The following WDPCP variants were observed in gnomAD, a reference collection of about 807,000 sequenced individuals.
WDPCP encodes the protein WD repeat-containing and planar cell polarity effector protein fritz homolog.
A neutral mutation model predicts 93.1 loss-of-function variants in WDPCP; 71 were observed. That is an observed-to-expected ratio of 0.76 (90% confidence interval 0.63 to 0.93). WDPCP has a LOEUF of 0.93. Ranked by LOEUF, WDPCP falls within the 40% of genes least tolerant of loss-of-function variation. The pLI, the probability that WDPCP is intolerant of heterozygous loss-of-function variation, is 0.00. For synonymous variants in WDPCP, 315 were observed against 315.0 expected, an observed-to-expected ratio of 1.00 and a Z score of 0.00; for missense variants, 844 against 887.4, an observed-to-expected ratio of 0.95 and a Z score of 0.62.
At chr2:63,271,130 T>A (rs142371848) in intron 13 of WDPCP, among the ~76,000 whole-genome samples, 2 of 152,296 alleles carry the variant, frequency 1.3e-5, no homozygotes, top group Non-Finnish European at 2.9e-5. Flanking sequence ...TGATGTGTAC[T>A]GGGGAGGCTG....
chr2:63,625,623 G>C (rs1481513326), intron 3 of WDPCP, among the ~76,000 whole-genome samples: 1 of 152,076 alleles, frequency 6.6e-6, no homozygotes, highest in Non-Finnish European at 1.5e-5. Context: ...ACTTACAAGG[G>C]ATGTGAAGAG....
At chr2:63,787,877 T>C (rs1405151016) in intron 2 of WDPCP, among the ~76,000 whole-genome samples, 1 of 151,728 alleles carries the variant, frequency 6.6e-6, no homozygotes, top group Non-Finnish European at 1.5e-5. Context: ...CCATCTCTAC[T>C]AAAAATACAA....
At chr2:63,820,730 A>T (rs1671006056) in intron 1 of WDPCP, among the ~76,000 whole-genome samples, 1 of 152,144 alleles carries the variant, frequency 6.6e-6, no homozygotes, top group Admixed American at 6.6e-5. Flanking sequence ...TTTTGGGGAC[A>T]AACTTAATAT....
Position 63,404,106 on chromosome 2 carries a change from A to G in WDPCP, c.1377T>C (p.Tyr459=), listed in dbSNP as rs1558582783. The change falls in exon 10 of 18, where the codon TAT becomes TAC. Residue 459 remains tyrosine (Y), a synonymous_variant. Coordinates refer to ENST00000272321, the MANE Select transcript of WDPCP (RefSeq NM_015910.7). ...TTTCAAACCTGAGGAAGAGGAGATC[A>G]TAGATATCACTACCTTCACCCTTCT... ...VSQKGEGSDI[Y]DLLFLRFERG... is the part of the protein sequence containing the mutation. 1.9e-6 allele frequency: 3 copies of G among 1,614,144 alleles called. No homozygotes were observed. The highest frequency in any genetic ancestry group is 3.3e-5 in the Admixed American group (2 of 60,002).
At chr2:63,228,512 A>T (rs1377695362) in intron 14 of WDPCP, 1 of 150,568 alleles carries the variant, frequency 6.6e-6, no homozygotes, top group South Asian at 2.1e-4. Flanking sequence ...TACATGTGCC[A>T]TGGTGGTGTG....
intron 2 of WDPCP, among the ~76,000 whole-genome samples, chr2:63,706,730 C>T (rs1375694796): frequency 1.3e-5 from 2 of 149,920 alleles, no homozygotes; most frequent in Non-Finnish European, 3.0e-5. Context: ...CATTCTCCTG[C>T]CTCAGCCTCC....
At chr2:63,263,079 A>T (rs1408914210) in intron 13 of WDPCP, among the ~76,000 whole-genome samples, 1 of 152,174 alleles carries the variant, frequency 6.6e-6, no homozygotes, top group Non-Finnish European at 1.5e-5. Flanking sequence ...TGCATTCAAG[A>T]GTATATCTCT....
At chr2:63,277,598 T>G (rs764788459) in intron 13 of WDPCP, among the ~76,000 whole-genome samples, 29 of 151,916 alleles carry the variant, frequency 1.9e-4, no homozygotes, top group Middle Eastern at 3.4e-3. Context: ...TGAGCAGGAG[T>G]AGCTATTTTT....
At chr2:63,226,488 C>T (rs534688061) in intron 14 of WDPCP, among the ~76,000 whole-genome samples, 23 of 151,938 alleles carry the variant, frequency 1.5e-4, no homozygotes, top group Non-Finnish European at 2.9e-4. Context: ...TGATGTGTCA[C>T]ACCCTGTCAC....
intron 2 of WDPCP, among the ~76,000 whole-genome samples, chr2:63,802,261 C>A (rs1487225768): frequency 2.8e-5 from 3 of 108,356 alleles, no homozygotes; most frequent in Admixed American, 1.3e-4. Flanking sequence ...GCCTGGGCAA[C>A]ATTATGATAC....
chr2:63,686,106 G>C (rs934256533), intron 2 of WDPCP, among the ~76,000 whole-genome samples: 2 of 152,120 alleles, frequency 1.3e-5, no homozygotes, highest in Admixed American at 1.3e-4. Context: ...GTCTTCACTA[G>C]AGCAATCAGA....
intron 2 of WDPCP, among the ~76,000 whole-genome samples, chr2:63,767,049 C>T (rs1216312125): frequency 6.6e-6 from 1 of 152,090 alleles, no homozygotes; most frequent in African/African-American, 2.4e-5. Context: ...TTTTATATCA[C>T]TATAGATTAG....
intron 1 of WDPCP, among the ~76,000 whole-genome samples, chr2:63,583,217 C>T (rs1708609143): frequency 6.6e-6 from 1 of 151,832 alleles, no homozygotes; most frequent in South Asian, 2.1e-4. Flanking sequence ...ATGCTATAAA[C>T]CCTACAACAG....
chr2:63,358,885 T>A (rs753585010), intron 12 of WDPCP, among the ~76,000 whole-genome samples: 6 of 152,194 alleles, frequency 3.9e-5, no homozygotes, highest in Non-Finnish European at 8.8e-5. Flanking sequence ...GACTACCCAG[T>A]CTCACTGCCC....
intron 17 of WDPCP, among the ~76,000 whole-genome samples, chr2:63,143,000 G>T (rs183192085): frequency 1.3e-5 from 2 of 151,984 alleles, no homozygotes; most frequent in Admixed American, 1.3e-4. Flanking sequence ...ATCCAGGCTG[G>T]AGTGCAGTGG....
chr2:63,300,680 T>C (rs1336572315), intron 13 of WDPCP, among the ~76,000 whole-genome samples: 1 of 152,224 alleles, frequency 6.6e-6, no homozygotes, highest in East Asian at 1.9e-4. Flanking sequence ...GTAAGTAATA[T>C]TGTTTGGCAA....
chr2:63,748,620 G>A (rs190299120), intron 2 of WDPCP, among the ~76,000 whole-genome samples: 1 of 151,932 alleles, frequency 6.6e-6, no homozygotes, highest in East Asian at 1.9e-4. Flanking sequence ...GTATGTTTTT[G>A]GTAATATTTT....
intron 1 of WDPCP, among the ~76,000 whole-genome samples, chr2:63,540,607 C>T (rs1386672420): frequency 1.3e-5 from 2 of 152,128 alleles, no homozygotes; most frequent in South Asian, 2.1e-4. Flanking sequence ...TGTTTATAAA[C>T]GTGTCTCTGT....
At chr2:63,146,923 C>T (rs1671555634) in intron 17 of WDPCP, among the ~76,000 whole-genome samples, 1 of 152,162 alleles carries the variant, frequency 6.6e-6, no homozygotes, top group African/African-American at 2.4e-5. Flanking sequence ...CTTCTTAGAA[C>T]TTTACTGTAT....
Sources: allele counts gnomAD v4.1 joint callset (sites outside exome capture counted in the v4.1 genomes callset), GRCh38; gene constraint gnomAD v4.1.1; transcripts MANE v1.5; gene names NCBI Gene and HGNC (gene_info 2026-07-23, HGNC 2026-07-21).